TEX9: variants seen among roughly 807,000 people sequenced by gnomAD.
The protein encoded by TEX9 is testis expressed 9.
Under a neutral mutation model 59.6 loss-of-function variants are expected in TEX9, and 74 were observed. The observed-to-expected ratio is 1.24, with a 90% confidence interval of 1.03 to 1.51. The LOEUF (loss-of-function observed/expected upper bound fraction) is 1.51. Ranked by LOEUF, TEX9 falls within the 40% of genes most tolerant of loss-of-function variation. The pLI is 0.00. For synonymous variants in TEX9, 186 were observed against 152.2 expected, an observed-to-expected ratio of 1.22 and a Z score of -1.64; for missense variants, 522 against 447.8, an observed-to-expected ratio of 1.17 and a Z score of -1.49.
chr15:56,456,735 A>C, the TEX9 span, among the ~76,000 whole-genome samples: 3 of 152,146 alleles, frequency 2.0e-5, no homozygotes, highest in African/African-American at 7.2e-5. Context: ...AGAATATTTA[A>C]ATACACTCTC....
At chr15:56,365,900 ATGT>A in intron 2 of TEX9, 1 of 1,362,470 alleles carries the variant, frequency 7.3e-7, no homozygotes. Flanking sequence ...CCAAGTAAGC[ATGT>A]TGTTTAATTT....
intron 1 of TEX9, among the ~76,000 whole-genome samples, chr15:56,276,840 T>C (rs779815197): frequency 1.3e-5 from 2 of 152,136 alleles, no homozygotes; most frequent in Non-Finnish European, 2.9e-5. Flanking sequence ...CCAGCATCTG[T>C]TGCTTCCTGA....
chr15:56,319,185 A>G (rs1304655357), intron 1 of TEX9, among the ~76,000 whole-genome samples: 1 of 152,076 alleles, frequency 6.6e-6, no homozygotes, highest in Admixed American at 6.6e-5. Context: ...GTCATAAGGC[A>G]GGACCAACCC....
intron 1 of TEX9, among the ~76,000 whole-genome samples, chr15:56,320,859 T>C (rs1596087246): frequency 6.6e-6 from 1 of 152,198 alleles, no homozygotes; most frequent in Non-Finnish European, 1.5e-5. Context: ...CCTTTGCCCC[T>C]TTGGACACAT....
intron 11 of TEX9, 127 bp from the exon 12 acceptor site, chr15:56,428,240 A>AGTATACATTCCTAC (rs2050414678): frequency 1.6e-6 from 1 of 637,666 alleles, no homozygotes; most frequent in African/African-American, 1.8e-5. Flanking sequence ...TGGAATTAAG[A>AGTATACATTCCTAC]GTATACATTC....
In TEX9 at chr15:56,443,784, C is replaced by A. The variant is rs201829626; in HGVS notation, c.*30-1887C>A. Reference sequence around the variant, plus strand: ...TCACGTTTCTTTTTTCTCCAGAGAGCCTGCTCTTTCTGAAACTCTTCTATA... The same window carrying A: ...TCACGTTTCTTTTTTCTCCAGAGAGACTGCTCTTTCTGAAACTCTTCTATA... On this transcript the variant is annotated intron_variant, in intron 12 of 12. Transcript: ENST00000352903. 7.4e-6 allele frequency: 12 copies of A among 1,612,860 alleles called. No homozygotes were observed. Among genetic ancestry groups the A allele is most frequent in the Middle Eastern group, 1.7e-4 (1 of 6,058 alleles).
the TEX9 span, chr15:56,456,463 A>G: frequency 8.7e-6 from 14 of 1,612,402 alleles, no homozygotes; most frequent in Admixed American, 6.7e-5. Flanking sequence ...TGCCAATTCC[A>G]TAGCCAGTTT....
At chr15:56,316,952 G>A (rs1001064467) in intron 1 of TEX9, among the ~76,000 whole-genome samples, 13 of 152,178 alleles carry the variant, frequency 8.5e-5, no homozygotes, top group Non-Finnish European at 1.6e-4. Flanking sequence ...ACTCAGAAAG[G>A]GAACTCCCTG....
At chr15:56,434,664 G>A (rs1185272415) in intron 12 of TEX9, among the ~76,000 whole-genome samples, 1 of 152,064 alleles carries the variant, frequency 6.6e-6, no homozygotes, top group Admixed American at 6.6e-5. Context: ...ACACGTAACT[G>A]CTTTGGAAAG....
At chr15:56,418,506 C>A (rs1279124516) in intron 10 of TEX9, among the ~76,000 whole-genome samples, 1 of 149,772 alleles carries the variant, frequency 6.7e-6, no homozygotes, top group Non-Finnish European at 1.5e-5. Context: ...GAAAAATTAG[C>A]TGGGCGTGGT....
chr15:56,310,359 G>C (rs188989801), intron 1 of TEX9, among the ~76,000 whole-genome samples: 2 of 152,340 alleles, frequency 1.3e-5, no homozygotes, highest in East Asian at 3.9e-4. Flanking sequence ...TTGAACCCGG[G>C]AGGTGGAGAT....
At chr15:56,428,946 T>C (rs1287973823) in intron 12 of TEX9, 3 of 555,466 alleles carry the variant, frequency 5.4e-6, no homozygotes, top group Non-Finnish European at 9.4e-6. Context: ...TTAATTTGTA[T>C]CTGATAATTG....
chr15:56,305,229 A>G (rs917426851), intron 1 of TEX9, among the ~76,000 whole-genome samples: 1 of 152,068 alleles, frequency 6.6e-6, no homozygotes, highest in Non-Finnish European at 1.5e-5. Flanking sequence ...ATTCATTGCA[A>G]TTCCTATGAA....
intron 10 of TEX9, among the ~76,000 whole-genome samples, chr15:56,423,227 C>T (rs764946954): frequency 6.6e-6 from 1 of 152,116 alleles, no homozygotes; most frequent in African/African-American, 2.4e-5. Flanking sequence ...ACAAATTTCC[C>T]TCTTAGCAGT....
chr15:56,353,815 G>A (rs1403985441), intron 1 of TEX9, among the ~76,000 whole-genome samples: 2 of 152,170 alleles, frequency 1.3e-5, no homozygotes, highest in Non-Finnish European at 2.9e-5. Flanking sequence ...ATTGTTGAGA[G>A]TAATTGCTTT....
At chr15:56,329,923 G>A (rs570690272) in intron 1 of TEX9, among the ~76,000 whole-genome samples, 1 of 151,938 alleles carries the variant, frequency 6.6e-6, no homozygotes, top group Non-Finnish European at 1.5e-5. Flanking sequence ...GTACAAGAAG[G>A]TTATAGAACA....
chr15:56,387,456 C>T (rs1178880795), intron 4 of TEX9, among the ~76,000 whole-genome samples: 3 of 151,362 alleles, frequency 2.0e-5, no homozygotes, highest in Non-Finnish European at 4.4e-5. Context: ...TTTTTCTTCC[C>T]AGAGGTATTT....
At chr15:56,349,038 T>C (rs2046526352) in intron 1 of TEX9, among the ~76,000 whole-genome samples, 1 of 152,190 alleles carries the variant, frequency 6.6e-6, no homozygotes, top group African/African-American at 2.4e-5. Flanking sequence ...AGTGAATTTT[T>C]CAATGTTTCC....
intron 1 of TEX9, among the ~76,000 whole-genome samples, chr15:56,336,961 T>G (rs2046268567): frequency 6.6e-6 from 1 of 152,192 alleles, no homozygotes; most frequent in Non-Finnish European, 1.5e-5. Flanking sequence ...GTGTAAGTAC[T>G]TTAACCCTGA....
Sources: gnomAD v4.1 joint callset for allele counts (sites outside exome capture counted in the v4.1 genomes callset) on GRCh38, gnomAD v4.1.1 for gene constraint, MANE v1.5 for transcripts, NCBI Gene and HGNC (gene_info 2026-07-23, HGNC 2026-07-21) for gene names.